TNFSF8: variants seen among roughly 807,000 people sequenced by gnomAD.
TNFSF8 encodes the protein TNF superfamily member 8, also known as tumor necrosis factor ligand superfamily member 8.
In TNFSF8, 4 loss-of-function variants were observed where a neutral mutation model predicts 22.0. The ratio of observed to expected loss-of-function variants is 0.18; its 90% CI spans 0.09 to 0.42. The LOEUF (loss-of-function observed/expected upper bound fraction) is 0.42. Among genes scored for constraint, TNFSF8 ranks in the 10% least tolerant of loss-of-function variants. The pLI, the probability that TNFSF8 is intolerant of heterozygous loss-of-function variation, is 1.00. For synonymous variants in TNFSF8, 106 were observed against 112.5 expected (o/e 0.94, Z 0.37); for missense variants, 233 against 281.8 (o/e 0.83, Z 1.24).
chr9:114,913,871 G>C (rs1408795278), intron 2 of TNFSF8, among the ~76,000 whole-genome samples: 1 of 152,210 alleles, frequency 6.6e-6, no homozygotes, highest in Non-Finnish European at 1.5e-5. Context: ...GCCTGTCAAC[G>C]TTCATTATTC....
chr9:114,923,526 T>TTTCTTTC (rs1357421157), intron 1 of TNFSF8, among the ~76,000 whole-genome samples: 30 of 22,018 alleles, frequency 1.4e-3, no homozygotes, highest in Middle Eastern at 0.029. Context: ...TTCTTTCTTT[T>TTTCTTTC]TTTTTTTTTG....
chr9:114,904,386 TTC>T (rs1250380712), intron 3 of TNFSF8, 61 bp from the exon 4 acceptor site: 2 of 1,525,898 alleles, frequency 1.3e-6, no homozygotes, highest in Non-Finnish European at 1.8e-6. Context: ...CATTGCAAAA[TTC>T]TAAGTCTTTG....
chr9:114,921,473 A>G (rs1251789631), intron 1 of TNFSF8, among the ~76,000 whole-genome samples: 1 of 152,178 alleles, frequency 6.6e-6, no homozygotes, highest in Non-Finnish European at 1.5e-5. Context: ...TCCAGAAACA[A>G]AGGATAGAAG....
At chr9:114,917,468 C>T (rs1382559732) in intron 2 of TNFSF8, among the ~76,000 whole-genome samples, 1 of 152,224 alleles carries the variant, frequency 6.6e-6, no homozygotes, top group Non-Finnish European at 1.5e-5. Context: ...GAAAATTTCT[C>T]ATCATCGATG....
intron 1 of TNFSF8, among the ~76,000 whole-genome samples, chr9:114,920,868 C>T (rs1192908359): frequency 6.6e-6 from 1 of 152,140 alleles, no homozygotes; most frequent in East Asian, 1.9e-4. Context: ...GGGATTTCGC[C>T]ATGTTGACCA....
At chr9:114,910,844 A>C (rs550006051) in intron 2 of TNFSF8, among the ~76,000 whole-genome samples, 1 of 152,328 alleles carries the variant, frequency 6.6e-6, no homozygotes, top group African/African-American at 2.4e-5. Flanking sequence ...ATATAAGAAC[A>C]AGGAAGACAC....
chr9:114,917,653 A>G (rs1175134078), intron 2 of TNFSF8, among the ~76,000 whole-genome samples: 2 of 152,232 alleles, frequency 1.3e-5, no homozygotes, highest in Non-Finnish European at 2.9e-5. Context: ...GCTGGTTGCC[A>G]TGCCAAGCAA....
chr9:114,913,528 G>C (rs2131345193), intron 2 of TNFSF8, among the ~76,000 whole-genome samples: 1 of 152,296 alleles, frequency 6.6e-6, no homozygotes, highest in South Asian at 2.1e-4. Context: ...GGGGCCGCAG[G>C]TGCCGAAGAA....
intron 1 of TNFSF8, among the ~76,000 whole-genome samples, chr9:114,924,651 A>G (rs1828034375): frequency 6.6e-6 from 1 of 152,188 alleles, no homozygotes; most frequent in Non-Finnish European, 1.5e-5. Context: ...CATTTTCAAA[A>G]TAAGACTTTG....
At chr9:114,894,158 C>T in exon 5 of TNFSF8, 1 of 1,534,610 alleles carries the variant, frequency 6.5e-7, no homozygotes. Flanking sequence ...GATCATGCCA[C>T]AGTAATCTGG....
intron 1 of TNFSF8, among the ~76,000 whole-genome samples, chr9:114,923,522 C>CTTTCTT (rs758823996): frequency 0.075 from 6,718 of 89,438 alleles, 293 homozygotes; most frequent in South Asian, 0.12. Context: ...TTCTTTCTTT[C>CTTTCTT]TTTTTTTTTT....
chr9:114,904,105 A>G lies in TNFSF8; in HGVS notation c.531T>C (p.Cys177=). The G allele has an allele frequency of 6.2e-7, 1 of 1,614,162 alleles. No individual in the cohort carries two copies. The highest frequency in any genetic ancestry group is 8.5e-7 in the Non-Finnish European group (1 of 1,179,996). The change falls in exon 4 of 4, where the codon TGT becomes TGC. Residue 177 remains cysteine, a synonymous_variant. Transcript: ENST00000223795. ...HIKKQALVTV[C]ESGMQTKHVY... ...CGTGTTTCGTTTGCATTCCAGACTC[A>G]CACACTGTCACCAGGGCCTGTTTTT...
chr9:114,917,981 A>T (rs1478470347), intron 2 of TNFSF8, 115 bp downstream of exon 2: 4 of 1,051,496 alleles, frequency 3.8e-6, no homozygotes, highest in Non-Finnish European at 5.4e-6. Context: ...ACCCCTACCC[A>T]CTTTACTGTT....
chr9:114,901,386 G>A lies in TNFSF8; in HGVS notation c.*2545C>T, dbSNP rs1827715000. 1.0e-6 allele frequency: 1 copy of A among 985,358 alleles called. No individual in the cohort carries two copies. Among genetic ancestry groups the A allele is most frequent in the Non-Finnish European group, 1.2e-6 (1 of 829,922 alleles). 61.0% of individuals were successfully genotyped at this position (985,358 alleles called of 1,614,324 possible). ...TGATGTACCCCTTGTGTCTTTAGGTGTTGGCTTTCTTAGCATTGCTTGACA... is the reference window on the plus strand; with the variant it reads ...TGATGTACCCCTTGTGTCTTTAGGTATTGGCTTTCTTAGCATTGCTTGACA... On this transcript the variant is annotated 3_prime_UTR_variant, in exon 4 of 4. Transcript: ENST00000223795.
intron 4 of TNFSF8, among the ~76,000 whole-genome samples, chr9:114,895,283 C>T (rs1472136403): frequency 6.6e-6 from 1 of 152,204 alleles, no homozygotes; most frequent in Admixed American, 6.5e-5. Flanking sequence ...TTCTTGTCTT[C>T]TAAGTGCTCA....
chr9:114,905,575 A>G (rs569674860), intron 3 of TNFSF8, among the ~76,000 whole-genome samples: 1 of 152,358 alleles, frequency 6.6e-6, no homozygotes, highest in South Asian at 2.1e-4. Context: ...GAATGCCCAC[A>G]GAGGCCAGGT....
chr9:114,926,973 T>G (rs1564373375), intron 1 of TNFSF8, among the ~76,000 whole-genome samples: 2 of 146,128 alleles, frequency 1.4e-5, no homozygotes, highest in South Asian at 2.1e-4. Context: ...AAATATTATT[T>G]TATAATATAA....
intron 1 of TNFSF8, among the ~76,000 whole-genome samples, chr9:114,923,957 G>T (rs1039813179): frequency 6.6e-6 from 1 of 152,154 alleles, no homozygotes. Flanking sequence ...ACAATAAGAC[G>T]TATATAGAAT....
In TNFSF8 at chr9:114,902,740, C is replaced by T; in HGVS notation, c.*1191G>A. The T allele has an allele frequency of 1.0e-6, 1 of 985,410 alleles. No individual in the cohort carries two copies. Among genetic ancestry groups the T allele is most frequent in the Non-Finnish European group, 1.2e-6 (1 of 829,930 alleles). 61.0% of individuals were successfully genotyped at this position (985,410 alleles called of 1,614,324 possible). A position where few individuals can be genotyped will look rare whatever the true frequency, so the allele number is the denominator to read the frequency against. ...AAATTGTGTCTGGAATCTCAGTTCC[C>T]AGGGTCTGGTCTTCTGAGATGGAAG... On this transcript the variant is annotated 3_prime_UTR_variant, in exon 4 of 4. Transcript: ENST00000223795.
Sources: allele counts gnomAD v4.1 joint callset (sites outside exome capture counted in the v4.1 genomes callset), GRCh38; gene constraint gnomAD v4.1.1; transcripts MANE v1.5; gene names NCBI Gene and HGNC (gene_info 2026-07-23, HGNC 2026-07-21).